NME7: variants seen among roughly 807,000 people sequenced by gnomAD.
NME7 encodes nucleoside diphosphate kinase 7.
A neutral mutation model predicts 49.1 loss-of-function variants in NME7; 41 were observed. That is an observed-to-expected ratio of 0.83 (90% CI 0.65 to 1.08). The LOEUF (loss-of-function observed/expected upper bound fraction) is 1.08. Among genes scored for constraint, NME7 ranks in the 50% least tolerant of loss-of-function variants. NME7 has a pLI of 0.00. For synonymous variants in NME7, 139 were observed against 150.6 expected, an observed-to-expected ratio of 0.92 and a Z score of 0.56; for missense variants, 423 against 463.4, an observed-to-expected ratio of 0.91 and a Z score of 0.80.
At chr1:169,367,620 C>G (rs536555160) in intron 1 of NME7, 88 bp downstream of exon 1, 60 of 1,494,222 alleles carry the variant, frequency 4.0e-5, no homozygotes, top group Non-Finnish European at 5.5e-5. Flanking sequence ...GAGGACCGGA[C>G]AACTTTAAGT....
chr1:169,229,106 G>T (rs1169011807), intron 10 of NME7, among the ~76,000 whole-genome samples: 1 of 152,084 alleles, frequency 6.6e-6, no homozygotes, highest in Non-Finnish European at 1.5e-5. Context: ...TGCATACAAG[G>T]AATTCCAATT....
chr1:169,348,539 C>T lies in NME7; in HGVS notation c.3+19169G>A, dbSNP rs543098727. On this transcript the variant is annotated intron_variant, in intron 1 of 11. Transcript: ENST00000367811. ...TTTCTAGATGAATAGCATTCGAATG[C>T]CACTTCAATATGATTAAAATTAATA... Among the ~76,000 whole-genome samples, 3 of 152,204 alleles carry T rather than the reference C, an allele frequency of 2.0e-5. No individual in the cohort carries two copies. The South Asian group carries it at 6.2e-4, about 32-fold the overall frequency.
At chr1:169,322,636 C>G (rs542301541) in intron 3 of NME7, among the ~76,000 whole-genome samples, 2 of 150,580 alleles carry the variant, frequency 1.3e-5, no homozygotes, top group South Asian at 4.2e-4. Flanking sequence ...CTCACATTGT[C>G]ATTTTTCAAT....
At chr1:169,237,278 T>C (rs1345170566) in intron 8 of NME7, among the ~76,000 whole-genome samples, 61 of 152,118 alleles carry the variant, frequency 4.0e-4, no homozygotes, top group Admixed American at 4.0e-3. Flanking sequence ...GACAGAAAAC[T>C]CATCACAATT....
At position 169,266,415 on chromosome 1, in the gene NME7, A is replaced by G. The variant is rs1325816417; in HGVS notation, c.754+20888T>C. Among the ~76,000 whole-genome samples the G allele has an allele frequency of 1.2e-4, 16 of 133,200 alleles. 2 individuals are homozygous for G. Among genetic ancestry groups the G allele is most frequent in the Admixed American group, 1.2e-3 (16 of 13,540 alleles). The allele number at this position is 133,200 out of a possible 152,430, so 87.4% of individuals were successfully genotyped here. On this transcript the variant is annotated intron_variant, in intron 7 of 11. Transcript: ENST00000367811. ...AATTCAGCATCCCCTCATGTTAAAA[A>G]CCCTCAAATAAACTAGGCATTGAGG...
intron 1 of NME7, among the ~76,000 whole-genome samples, chr1:169,347,327 A>C (rs1177180657): frequency 6.6e-6 from 1 of 152,210 alleles, no homozygotes; most frequent in Non-Finnish European, 1.5e-5. Flanking sequence ...ACTTGATCTG[A>C]GATGTCAAAA....
At chr1:169,247,732 C>T (rs903888121) in intron 7 of NME7, among the ~76,000 whole-genome samples, 3 of 152,040 alleles carry the variant, frequency 2.0e-5, no homozygotes, top group African/African-American at 7.2e-5. Context: ...TGAGAACATA[C>T]GGTTTTTGGT....
intron 10 of NME7, among the ~76,000 whole-genome samples, chr1:169,183,598 G>A (rs940424281): frequency 6.6e-6 from 1 of 151,922 alleles, no homozygotes; most frequent in Non-Finnish European, 1.5e-5. Context: ...TCAGGAGATT[G>A]AGACCATCCT....
chr1:169,180,004 A>T (rs1659879493), intron 10 of NME7, among the ~76,000 whole-genome samples: 1 of 151,424 alleles, frequency 6.6e-6, no homozygotes, highest in African/African-American at 2.4e-5. Flanking sequence ...AGTCAAAGAA[A>T]GAAACAATGG....
At chr1:169,236,389 C>T (rs940610206) in intron 8 of NME7, among the ~76,000 whole-genome samples, 4 of 152,146 alleles carry the variant, frequency 2.6e-5, no homozygotes, top group South Asian at 2.1e-4. Flanking sequence ...CACAAGTCCA[C>T]GACTGTGTTT....
chr1:169,213,834 T>A (rs12045783), intron 10 of NME7, among the ~76,000 whole-genome samples: 12,333 of 150,466 alleles, frequency 0.082, 697 homozygotes, highest in Admixed American at 0.19. Context: ...TAAATAAATA[T>A]ATATATATAT....
Position 169,324,409 on chromosome 1 carries a change from T to A in NME7, c.95A>T (p.Asp32Val), listed in dbSNP as rs1293774569. The A allele has an allele frequency of 6.2e-7, 1 of 1,610,772 alleles. No homozygotes were observed. The highest frequency in any genetic ancestry group is 8.5e-7 in the Non-Finnish European group (1 of 1,177,140). ...CTTATTTACCATTTCAACAGATCCA[T>A]CCCCTGGGTAAAATAAAAGCTCATA... ...RRYELLFYPG[D>V]GSVEMHDVKN... is the part of the protein sequence containing the mutation. The change falls in exon 2 of 12, where the codon GAT becomes GTT. Residue 32 changes from aspartate to valine, a missense_variant. Transcript: ENST00000367811.
intron 7 of NME7, among the ~76,000 whole-genome samples, chr1:169,269,354 A>AGG: frequency 7.4e-6 from 1 of 134,258 alleles, no homozygotes; most frequent in South Asian, 2.3e-4. Context: ...AGAACAGAAC[A>AGG]CATTCACAAA....
At position 169,256,352 on chromosome 1, in the gene NME7, G is replaced by A. The variant is rs574903310; in HGVS notation, c.755-18665C>T. Among the ~76,000 whole-genome samples, 349 of 133,776 alleles carry A rather than the reference G, an allele frequency of 2.6e-3. 42 individuals are homozygous for A. Among genetic ancestry groups the A allele is most frequent in the African/African-American group, 8.6e-3 (340 of 39,556 alleles). The allele number at this position is 133,776 out of a possible 152,430, so 87.8% of individuals were successfully genotyped here. ...CTGAAACCCTTTCTTCCAGTTGATCGCATCGACTCCTGAGGCTTCTGCGTT... is the reference window on the plus strand; with the variant it reads ...CTGAAACCCTTTCTTCCAGTTGATCACATCGACTCCTGAGGCTTCTGCGTT... On this transcript the variant is annotated intron_variant, in intron 7 of 11. Coordinates refer to ENST00000367811, the MANE Select transcript of NME7 (RefSeq NM_013330.5).
chr1:169,244,758 A>G (rs1253792633), intron 7 of NME7, among the ~76,000 whole-genome samples: 1 of 152,144 alleles, frequency 6.6e-6, no homozygotes, highest in Non-Finnish European at 1.5e-5. Context: ...ATGTATCTAT[A>G]TCAAAAATAT....
chr1:169,169,606 A>G lies in NME7; in HGVS notation c.991-52T>C, dbSNP rs78009500. 5,579 of 1,492,348 alleles carry G rather than the reference A, an allele frequency of 3.7e-3. 92 individuals carry two copies. The African/African-American group carries it at 0.049, about 13-fold the overall frequency. The allele number at this position is 1,492,348 out of a possible 1,614,324, so 92.4% of individuals were successfully genotyped here. On this transcript the variant is annotated intron_variant, in intron 10 of 11. Transcript: ENST00000367811. ...TTAATGTTAGTCATATGGTATAAAT[A>G]AGAAAAACACTAGCTATATGAAACG... is the stretch of plus-strand genomic sequence containing the variant.
chr1:169,228,532 C>CCGGGCGCAGTGG (rs1647441920), intron 10 of NME7, among the ~76,000 whole-genome samples: 2 of 151,310 alleles, frequency 1.3e-5, no homozygotes, highest in Admixed American at 1.3e-4. Context: ...AAAAAATTAG[C>CCGGGCGCAGTGG]CGGGCGCAGT....
intron 7 of NME7, among the ~76,000 whole-genome samples, chr1:169,261,207 A>C (rs1649152282): frequency 7.4e-6 from 1 of 134,388 alleles, no homozygotes; most frequent in Non-Finnish European, 1.8e-5. Context: ...CTTATAAGTG[A>C]TATTTATTGT....
chr1:169,297,639 C>A (rs1650763364), intron 6 of NME7, among the ~76,000 whole-genome samples: 1 of 152,130 alleles, frequency 6.6e-6, no homozygotes, highest in Non-Finnish European at 1.5e-5. Flanking sequence ...CTAGATAGAG[C>A]ATTGGAGGCC....
Sources: gnomAD v4.1 joint callset for allele counts (sites outside exome capture counted in the v4.1 genomes callset) on GRCh38, gnomAD v4.1.1 for gene constraint, MANE v1.5 for transcripts, NCBI Gene and HGNC (gene_info 2026-07-23, HGNC 2026-07-21) for gene names.